The following MAMLD1 variants were observed in gnomAD, a reference collection of about 807,000 sequenced individuals.
MAMLD1 encodes mastermind-like domain-containing protein 1.
MAMLD1 carries 14 observed loss-of-function variants against 45.0 expected under a neutral mutation model. The ratio of observed to expected loss-of-function variants is 0.31; its 90% CI spans 0.21 to 0.49. The LOEUF is 0.49. Among genes scored for constraint, MAMLD1 ranks in the 20% least tolerant of loss-of-function variants. The probability of loss-of-function intolerance (pLI) is 0.99; values close to 1 mark genes in which losing one functional copy is unlikely to be tolerated. For missense variants in MAMLD1, 543 were observed against 603.6 expected (o/e 0.90, Z 1.05); for synonymous variants, 254 against 247.8 (o/e 1.02, Z -0.24).
chrX:150,403,288 C>T (rs1557402546), intron 1 of MAMLD1, among the ~76,000 whole-genome samples: 1 of 110,995 alleles, frequency 9.0e-6, no homozygotes, highest in East Asian at 2.8e-4. Context: ...TAGTAGTTGC[C>T]AGGGACTGAG....
intron 1 of MAMLD1, among the ~76,000 whole-genome samples, chrX:150,374,481 T>C (rs1180637710): frequency 1.8e-5 from 2 of 112,840 alleles, no homozygotes; most frequent in African/African-American, 6.4e-5. Context: ...TTGCTCTCTT[T>C]AGTGTCAGTG....
At chrX:150,510,800 T>C (rs981728880) in intron 7 of MAMLD1, among the ~76,000 whole-genome samples, 6 of 111,573 alleles carry the variant, frequency 5.4e-5, no homozygotes, top group African/African-American at 2.0e-4. Context: ...AGCATCTTTA[T>C]TGTAGCCCAT....
At position 150,405,169 on chromosome X, in the gene MAMLD1, C is replaced by T. The variant is rs2033965188; in HGVS notation, c.-63-40285C>T. Reference sequence around the variant, plus strand: ...TGTAATTGTTTAAAAATCCATGGCTCTCTATGGAGTTGGCAGAGGTTCATG... The same window carrying T: ...TGTAATTGTTTAAAAATCCATGGCTTTCTATGGAGTTGGCAGAGGTTCATG... On this transcript the variant is annotated intron_variant, in intron 1 of 7. Coordinates refer to ENST00000370401, the MANE Select transcript of MAMLD1 (RefSeq NM_005491.5). Among the ~76,000 whole-genome samples the T allele has an allele frequency of 4.5e-5, 5 of 112,291 alleles. No homozygotes were observed. The South Asian group carries it at 1.9e-3, about 42-fold the overall frequency.
intron 1 of MAMLD1, among the ~76,000 whole-genome samples, chrX:150,385,467 T>C (rs2032882534): frequency 8.9e-6 from 1 of 112,216 alleles, no homozygotes; most frequent in Non-Finnish European, 1.9e-5. Flanking sequence ...ACATATTTCA[T>C]ATGTTATATG....
intron 5 of MAMLD1, among the ~76,000 whole-genome samples, chrX:150,491,731 G>A (rs1449760583): frequency 8.9e-6 from 1 of 111,809 alleles, no homozygotes. Flanking sequence ...TTGGCTTCTG[G>A]TGGAGTCTGG....
Position 150,462,770 on chromosome X carries a change from A to G in MAMLD1, c.97-2A>G. On this transcript the variant is annotated splice_acceptor_variant, in intron 2 of 7. Coordinates refer to ENST00000370401, the MANE Select transcript of MAMLD1 (RefSeq NM_005491.5). LOFTEE classifies it high-confidence loss of function. ...CTCTCCTCAGCCTACTCTCACCCCC[A>G]GGGAAAGAAGCCCTCGTGGATGGAG... 8.3e-7 allele frequency: 1 copy of G among 1,206,167 alleles called. No homozygotes were observed. Among genetic ancestry groups the G allele is most frequent in the Non-Finnish European group, 1.1e-6 (1 of 890,309 alleles).
At position 150,445,567 on chromosome X, in the gene MAMLD1, C is replaced by T. The variant is rs781933957; in HGVS notation, c.51C>T (p.Phe17=). 5.9e-5 allele frequency: 71 copies of T among 1,208,741 alleles called. No homozygotes were observed. Among genetic ancestry groups the T allele is most frequent in the Non-Finnish European group, 7.6e-5 (68 of 894,657 alleles). Residue 17 remains phenylalanine (F), a synonymous_variant, in exon 2 of 8, where the codon TTC becomes TTT. Coordinates refer to ENST00000370401, the MANE Select transcript of MAMLD1 (RefSeq NM_005491.5). ...RLVIKSMLPH[F]AMVGNRQEPR... ...TAATCAAGAGCATGCTTCCCCATTTCGCCATGGTGGGAAATCGTCAGGAGC... is the reference window on the plus strand; with the variant it reads ...TAATCAAGAGCATGCTTCCCCATTTTGCCATGGTGGGAAATCGTCAGGAGC...
chrX:150,409,079 T>C (rs782366781), intron 1 of MAMLD1, among the ~76,000 whole-genome samples: 10 of 111,748 alleles, frequency 8.9e-5, no homozygotes, highest in South Asian at 3.8e-4. Context: ...GGAAGGCATG[T>C]CACTAAATTT....
intron 5 of MAMLD1, among the ~76,000 whole-genome samples, chrX:150,496,915 A>T (rs1335269321): frequency 8.9e-6 from 1 of 112,542 alleles, no homozygotes; most frequent in Admixed American, 9.4e-5. Flanking sequence ...TACATTATGG[A>T]TTCTACCATT....
At chrX:150,436,470 C>A (rs1426604589) in intron 1 of MAMLD1, among the ~76,000 whole-genome samples, 1 of 111,975 alleles carries the variant, frequency 8.9e-6, no homozygotes, top group Non-Finnish European at 1.9e-5. Context: ...AAGAGCCAGT[C>A]TTCAAGCTCT....
In MAMLD1 at chrX:150,471,320, T is replaced by G. The variant is rs782103614; in HGVS notation, c.1747T>G (p.Ser583Ala). ...LQQPTPTQAS[S>A]ATASSTATAT... ...GCAGCCGACACCAACGCAGGCCTCC[T>G]CAGCCACTGCCTCCTCCACGGCCAC... The change falls in exon 4 of 8, where the codon TCA becomes GCA. Residue 583 changes from serine to alanine, a missense_variant. Transcript: ENST00000370401. The G allele has an allele frequency of 8.3e-6, 10 of 1,210,233 alleles. No homozygotes were observed. Among genetic ancestry groups the G allele is most frequent in the Non-Finnish European group, 1.1e-5 (10 of 895,156 alleles).
intron 5 of MAMLD1, among the ~76,000 whole-genome samples, chrX:150,501,068 G>GT (rs1287578937): frequency 3.6e-5 from 4 of 111,778 alleles, no homozygotes; most frequent in Admixed American, 2.8e-4. Context: ...GCCATCTGCA[G>GT]TTTTTTCTGC....
intron 5 of MAMLD1, among the ~76,000 whole-genome samples, chrX:150,500,969 T>C (rs1420913624): frequency 1.8e-5 from 2 of 111,979 alleles, no homozygotes; most frequent in Admixed American, 9.5e-5. Flanking sequence ...CTCCACTTGA[T>C]TGAGTGGCTC....
At chrX:150,393,501 C>T (rs894418489) in intron 1 of MAMLD1, among the ~76,000 whole-genome samples, 7 of 112,118 alleles carry the variant, frequency 6.2e-5, no homozygotes, top group Middle Eastern at 4.6e-3. Context: ...GAGTATGTTT[C>T]GTTTTGTAAG....
intron 1 of MAMLD1, among the ~76,000 whole-genome samples, chrX:150,424,642 G>A (rs190316899): frequency 1.8e-5 from 2 of 112,535 alleles, no homozygotes; most frequent in Admixed American, 1.9e-4. Flanking sequence ...AAAAGATTTT[G>A]TTGTATCTTT....
At chrX:150,441,923 G>T (rs782479773) in intron 1 of MAMLD1, among the ~76,000 whole-genome samples, 1 of 111,234 alleles carries the variant, frequency 9.0e-6, no homozygotes, top group East Asian at 2.8e-4. Flanking sequence ...TCTCCGTTCA[G>T]TTCTAAAAAC....
At chrX:150,412,365 C>T (rs1557402854) in intron 1 of MAMLD1, among the ~76,000 whole-genome samples, 11 of 111,027 alleles carry the variant, frequency 9.9e-5, no homozygotes, top group Middle Eastern at 4.7e-3. Flanking sequence ...CTGACACAGA[C>T]GGAGAAACCA....
At chrX:150,427,145 A>G in intron 1 of MAMLD1, among the ~76,000 whole-genome samples, 1 of 111,706 alleles carries the variant, frequency 9.0e-6, no homozygotes, top group Middle Eastern at 4.7e-3. Context: ...ATCATATTGG[A>G]TTAAGGGCCC....
At chrX:150,434,632 A>G (rs1418474480) in intron 1 of MAMLD1, among the ~76,000 whole-genome samples, 4 of 112,066 alleles carry the variant, frequency 3.6e-5, no homozygotes, top group African/African-American at 1.3e-4. Context: ...CTTAGTTTCA[A>G]ATAATTTGTT....
Sources: allele counts gnomAD v4.1 joint callset (sites outside exome capture counted in the v4.1 genomes callset), GRCh38; gene constraint gnomAD v4.1.1; transcripts MANE v1.5; gene names NCBI Gene and HGNC (gene_info 2026-07-23, HGNC 2026-07-21).